Variants in NINJ2 observed in about 807,000 individuals in gnomAD.
NINJ2 encodes ninjurin 2.
A neutral mutation model predicts 11.7 loss-of-function variants in NINJ2; 12 were observed. The ratio of observed to expected loss-of-function variants is 1.02; its 90% CI spans 0.66 to 1.66. The LOEUF (loss-of-function observed/expected upper bound fraction) is 1.66, where lower values mean the gene tolerates loss of function less well. Ranked by LOEUF, NINJ2 falls within the 40% of genes most tolerant of loss-of-function variation. The pLI is 0.00. For missense variants in NINJ2, 187 were observed against 181.8 expected (o/e 1.03, Z -0.16); for synonymous variants, 93 against 76.8 (o/e 1.21, Z -1.10).
At chr12:565,577 T>C in intron 2 of NINJ2, 176 bp from the exon 3 acceptor site, 2 of 659,220 alleles carry the variant, frequency 3.0e-6, no homozygotes, top group Non-Finnish European at 5.2e-6. Flanking sequence ...ACCAGTACAA[T>C]GGGGCACCCT....
chr12:632,151 C>T (rs79332231), intron 1 of NINJ2: 7,049 of 152,170 alleles, frequency 0.046, 527 homozygotes, highest in African/African-American at 0.15. Context: ...AGGATGAAGT[C>T]TGAACTCGGG....
intron 1 of NINJ2, among the ~76,000 whole-genome samples, chr12:619,957 G>C (rs976833769): frequency 5.9e-5 from 9 of 152,228 alleles, no homozygotes; most frequent in Non-Finnish European, 1.3e-4. Flanking sequence ...GACTAAGTGA[G>C]GGAGGGCTCA....
intron 1 of NINJ2, among the ~76,000 whole-genome samples, chr12:605,182 C>T (rs1219774769): frequency 4.6e-5 from 7 of 152,166 alleles, no homozygotes; most frequent in Non-Finnish European, 1.0e-4. Context: ...TTCAAAACTC[C>T]GCCTTCCCCA....
chr12:657,534 A>G (rs1937889860), intron 1 of NINJ2, among the ~76,000 whole-genome samples: 1 of 152,198 alleles, frequency 6.6e-6, no homozygotes, highest in African/African-American at 2.4e-5. Flanking sequence ...GGTTGCGGTG[A>G]GCTGAGATCG....
chr12:575,841 A>G (rs2607938), intron 1 of NINJ2, among the ~76,000 whole-genome samples: 1 of 151,850 alleles, frequency 6.6e-6, no homozygotes. Context: ...CTTTGCTCTT[A>G]AACACCCCCA....
intron 1 of NINJ2, chr12:642,932 C>G (rs1948440230): frequency 6.7e-6 from 1 of 149,370 alleles, no homozygotes; most frequent in South Asian, 1.8e-4. Flanking sequence ...CTCCCGGGCC[C>G]CGGCCGCCCC....
chr12:651,420 A>T (rs1038934364), intron 1 of NINJ2, among the ~76,000 whole-genome samples: 1 of 152,218 alleles, frequency 6.6e-6, no homozygotes, highest in African/African-American at 2.4e-5. Flanking sequence ...TGTTCAGTCC[A>T]GAGGCATGGG....
At chr12:568,153 C>T (rs1448942909) in intron 1 of NINJ2, among the ~76,000 whole-genome samples, 1 of 152,074 alleles carries the variant, frequency 6.6e-6, no homozygotes, top group Non-Finnish European at 1.5e-5. Context: ...TTTTATTGGA[C>T]TAATTATATA....
chr12:636,027 A>G (rs1187664508), intron 1 of NINJ2, among the ~76,000 whole-genome samples: 1 of 152,152 alleles, frequency 6.6e-6, no homozygotes, highest in Non-Finnish European at 1.5e-5. Context: ...CAGTGAGCCA[A>G]GAGTGTGCCA....
intron 1 of NINJ2, among the ~76,000 whole-genome samples, chr12:592,010 G>A (rs993491918): frequency 3.3e-5 from 5 of 151,406 alleles, no homozygotes; most frequent in East Asian, 1.9e-4. Flanking sequence ...AGCCCCAGCC[G>A]CCAGGCTGTA....
At chr12:641,774 G>T (rs1162589664) in intron 1 of NINJ2, among the ~76,000 whole-genome samples, 1 of 145,532 alleles carries the variant, frequency 6.9e-6, no homozygotes, top group South Asian at 2.2e-4. Context: ...GAACCCGGGA[G>T]GTGGAGGTTG....
At chr12:625,677 A>C (rs990098925) in intron 1 of NINJ2, among the ~76,000 whole-genome samples, 2 of 152,162 alleles carry the variant, frequency 1.3e-5, no homozygotes, top group African/African-American at 4.8e-5. Flanking sequence ...GAAAGACAAT[A>C]TAGTTGTTAG....
chr12:651,277 C>T lies in NINJ2; in HGVS notation c.33+12051G>A, dbSNP rs559194231. 2.6e-5 allele frequency among the ~76,000 whole-genome samples: 4 copies of T among 152,130 alleles called. No individual in the cohort carries two copies. In the South Asian group the frequency reaches 8.3e-4, roughly 32 times the overall value. On this transcript the variant is annotated intron_variant, in intron 1 of 3. Transcript: ENST00000305108. ...TTAACAAGGCCTGACCTCAGGAGAA[C>T]TATTTAACCAGAGCCAAACTTTGCT...
intron 1 of NINJ2, chr12:642,968 C>T (rs1279325240): frequency 6.7e-6 from 1 of 149,938 alleles, no homozygotes; most frequent in Non-Finnish European, 1.5e-5. Flanking sequence ...GCCCGCCGGC[C>T]CGGCCCTCCC....
chr12:582,145 T>C (rs767000038), intron 1 of NINJ2, among the ~76,000 whole-genome samples: 3 of 152,242 alleles, frequency 2.0e-5, no homozygotes, highest in Non-Finnish European at 4.4e-5. Flanking sequence ...ACCACTGTGT[T>C]CCTCCTCCCG....
chr12:629,948 G>C (rs1187912116), intron 1 of NINJ2, among the ~76,000 whole-genome samples: 3 of 117,952 alleles, frequency 2.5e-5, no homozygotes, highest in African/African-American at 9.2e-5. Flanking sequence ...TTTTTTAAAA[G>C]TGTATCAGCC....
intron 1 of NINJ2, among the ~76,000 whole-genome samples, chr12:613,138 C>T (rs192093184): frequency 1.1e-4 from 17 of 152,288 alleles, no homozygotes; most frequent in African/African-American, 4.1e-4. Flanking sequence ...CCCTGGCTGG[C>T]CCAATCTGGG....
intron 1 of NINJ2, chr12:610,411 A>G (rs1948013549): frequency 4.6e-6 from 7 of 1,535,538 alleles, no homozygotes; most frequent in Admixed American, 3.9e-5. Context: ...CCACCAAGCA[A>G]TTACTGGAGA....
At chr12:620,458 G>A (rs186437037) in intron 1 of NINJ2, among the ~76,000 whole-genome samples, 48 of 152,366 alleles carry the variant, frequency 3.2e-4, no homozygotes, top group Non-Finnish European at 6.2e-4. Flanking sequence ...TAAAGCCTGT[G>A]CTGTTTGTCA....
Sources: allele counts gnomAD v4.1 joint callset (sites outside exome capture counted in the v4.1 genomes callset), GRCh38; gene constraint gnomAD v4.1.1; transcripts MANE v1.5; gene names NCBI Gene and HGNC (gene_info 2026-07-23, HGNC 2026-07-21).